The following MNAT1 variants were observed in gnomAD, a reference collection of about 807,000 sequenced individuals.
MNAT1 encodes MNAT1 component of CDK activating kinase, also known as CDK-activating kinase assembly factor MAT1.
MNAT1 carries 43 observed loss-of-function variants against 42.0 expected under a neutral mutation model. That is an observed-to-expected ratio of 1.02 (90% CI 0.80 to 1.32). The LOEUF (loss-of-function observed/expected upper bound fraction) is 1.32, where lower values mean the gene tolerates loss of function less well. Among genes scored for constraint, MNAT1 ranks in the 40% most tolerant of loss-of-function variants. The probability of loss-of-function intolerance (pLI) is 0.00; values close to 1 mark genes in which losing one functional copy is unlikely to be tolerated. For missense variants in MNAT1, 306 were observed against 350.4 expected, an observed-to-expected ratio of 0.87 and a Z score of 1.01; for synonymous variants, 118 against 120.0, an observed-to-expected ratio of 0.98 and a Z score of 0.11.
chr14:60,923,339 A>G (rs748771241), intron 7 of MNAT1, among the ~76,000 whole-genome samples: 15 of 152,194 alleles, frequency 9.9e-5, no homozygotes, highest in Non-Finnish European at 1.6e-4. Context: ...GTTAAGGACT[A>G]TACTTTGAGA....
intron 1 of MNAT1, among the ~76,000 whole-genome samples, chr14:60,774,319 C>T (rs1296591457): frequency 1.3e-5 from 2 of 151,924 alleles, no homozygotes. Context: ...ATGCAGTTGC[C>T]CTAAGGCTTG....
chr14:60,951,040 G>A (rs951619504), intron 7 of MNAT1, among the ~76,000 whole-genome samples: 1 of 152,062 alleles, frequency 6.6e-6, no homozygotes, highest in African/African-American at 2.4e-5. Flanking sequence ...TTCAGAGGAG[G>A]AAAGAAGTAA....
chr14:60,851,817 C>T (rs1243486553), intron 6 of MNAT1, among the ~76,000 whole-genome samples: 1 of 152,086 alleles, frequency 6.6e-6, no homozygotes, highest in Admixed American at 6.6e-5. Flanking sequence ...TTTTCTGATC[C>T]TGTGTTAGTT....
At chr14:60,905,167 A>G (rs552199080) in intron 7 of MNAT1, among the ~76,000 whole-genome samples, 1 of 152,010 alleles carries the variant, frequency 6.6e-6, no homozygotes, top group East Asian at 1.9e-4. Flanking sequence ...TAGTGAGCCA[A>G]ACAGAGGAGT....
At chr14:60,794,678 T>TATATATAA (rs778005558) in intron 1 of MNAT1, among the ~76,000 whole-genome samples, 1 of 133,222 alleles carries the variant, frequency 7.5e-6, no homozygotes, top group Non-Finnish European at 1.6e-5. Context: ...TATATATATA[T>TATATATAA]AAAATAGGTA....
chr14:60,887,675 G>T (rs1008632478), intron 7 of MNAT1, among the ~76,000 whole-genome samples: 1 of 151,736 alleles, frequency 6.6e-6, no homozygotes, highest in Non-Finnish European at 1.5e-5. Context: ...TTTTTGAAAG[G>T]ATCCACAAAA....
intron 3 of MNAT1, among the ~76,000 whole-genome samples, chr14:60,803,879 C>T (rs1431986341): frequency 1.3e-5 from 2 of 152,110 alleles, no homozygotes; most frequent in Admixed American, 1.3e-4. Context: ...AAGGGGCACA[C>T]ATGAAGATGG....
intron 1 of MNAT1, among the ~76,000 whole-genome samples, chr14:60,739,391 T>A (rs972991754): frequency 7.9e-5 from 12 of 152,080 alleles, no homozygotes; most frequent in African/African-American, 1.2e-4. Context: ...TTAACTTATT[T>A]TTTTTTTTTT....
intron 7 of MNAT1, among the ~76,000 whole-genome samples, chr14:60,952,419 G>A (rs533251610): frequency 3.3e-5 from 5 of 152,220 alleles, no homozygotes; most frequent in Non-Finnish European, 7.4e-5. Flanking sequence ...CTGTAAATAG[G>A]GAGATCAATT....
At chr14:60,748,838 A>G (rs1230454321) in intron 1 of MNAT1, among the ~76,000 whole-genome samples, 4 of 152,210 alleles carry the variant, frequency 2.6e-5, no homozygotes, top group Admixed American at 6.5e-5. Context: ...AAGTCACAGT[A>G]TCGTAAATGC....
At position 60,798,079 on chromosome 14, in the gene MNAT1, T is replaced by C. The variant is rs1228501982; in HGVS notation, c.243-8T>C. On this transcript the variant is annotated splice_region_variant and splice_polypyrimidine_tract_variant and intron_variant, in intron 2 of 7. Transcript: ENST00000261245. ...TAATATGTAGATTTCTTTTTTCTTT[T>C]CTTAAAGATACAATAAAAGGGAAGA... The C allele has an allele frequency of 3.8e-6, 5 of 1,311,592 alleles. No individual in the cohort carries two copies. The highest frequency in any genetic ancestry group is 1.8e-4 in the Middle Eastern group (1 of 5,434). 81.2% of individuals were successfully genotyped at this position (1,311,592 alleles called of 1,614,324 possible).
chr14:60,828,767 C>T (rs1335786174), intron 6 of MNAT1, among the ~76,000 whole-genome samples: 1 of 152,142 alleles, frequency 6.6e-6, no homozygotes, highest in East Asian at 1.9e-4. Context: ...ATTGAAGGTT[C>T]CCACGATCCC....
At position 60,968,494 on chromosome 14, in the gene MNAT1, G is replaced by T; in HGVS notation, c.*145G>T. ...AAGTATTTATAAGGAGAAAATTTCA[G>T]AACTAAGTTGAGTAATATAGGGGAT... is the stretch of plus-strand genomic sequence containing the variant. On this transcript the variant is annotated 3_prime_UTR_variant, in exon 8 of 8. Transcript: ENST00000261245. 3 of 1,498,218 alleles carry T rather than the reference G, an allele frequency of 2.0e-6. No homozygotes were observed. The highest frequency in any genetic ancestry group is 2.7e-6 in the Non-Finnish European group (3 of 1,126,230). 92.8% of individuals were successfully genotyped at this position (1,498,218 alleles called of 1,614,324 possible).
chr14:60,836,380 C>T (rs2033389936), intron 6 of MNAT1, among the ~76,000 whole-genome samples: 1 of 152,158 alleles, frequency 6.6e-6, no homozygotes, highest in Non-Finnish European at 1.5e-5. Context: ...GATTTGTCTA[C>T]CTTTGGTCTT....
intron 1 of MNAT1, among the ~76,000 whole-genome samples, chr14:60,752,836 C>T (rs2030157408): frequency 6.6e-6 from 1 of 152,208 alleles, no homozygotes; most frequent in Non-Finnish European, 1.5e-5. Context: ...GTGATCTTGG[C>T]TCACTGCAAC....
chr14:60,908,602 T>C (rs2035270667), intron 7 of MNAT1, among the ~76,000 whole-genome samples: 1 of 152,170 alleles, frequency 6.6e-6, no homozygotes, highest in Non-Finnish European at 1.5e-5. Context: ...GATAGTTTGC[T>C]GAGAATGATG....
At chr14:60,868,833 A>G (rs1233647024) in intron 6 of MNAT1, among the ~76,000 whole-genome samples, 1 of 151,962 alleles carries the variant, frequency 6.6e-6, no homozygotes, top group Non-Finnish European at 1.5e-5. Context: ...AAAAATAATC[A>G]AAGTCTAGAG....
chr14:60,917,084 A>G (rs989896434), intron 7 of MNAT1, among the ~76,000 whole-genome samples: 1 of 152,214 alleles, frequency 6.6e-6, no homozygotes, highest in African/African-American at 2.4e-5. Context: ...TATGGTAAGA[A>G]AAGTTTGAGA....
At chr14:60,860,745 C>CATAT (rs2034077998) in intron 6 of MNAT1, among the ~76,000 whole-genome samples, 2 of 151,994 alleles carry the variant, frequency 1.3e-5, no homozygotes. Context: ...TTGTGTTGGT[C>CATAT]TAAGGGCACA....
Sources: allele counts gnomAD v4.1 joint callset (sites outside exome capture counted in the v4.1 genomes callset), GRCh38; gene constraint gnomAD v4.1.1; transcripts MANE v1.5; gene names NCBI Gene and HGNC (gene_info 2026-07-23, HGNC 2026-07-21).